Variants in PASK observed in about 807,000 individuals in gnomAD.
The protein encoded by PASK is PAS domain containing serine/threonine kinase.
PASK carries 110 observed loss-of-function variants against 121.0 expected under a neutral mutation model. That is an observed-to-expected ratio of 0.91 (90% confidence interval 0.78 to 1.06). The LOEUF (loss-of-function observed/expected upper bound fraction) is 1.06. Among genes scored for constraint, PASK ranks in the 50% least tolerant of loss-of-function variants. The pLI, the probability that PASK is intolerant of heterozygous loss-of-function variation, is 0.00. For synonymous variants in PASK, 686 were observed against 717.8 expected (o/e 0.96, Z 0.71); for missense variants, 1,643 against 1,702.3 (o/e 0.97, Z 0.61).
chr2:241,149,662 C>A (rs979807566), upstream of PASK: 6 of 1,544,516 alleles, frequency 3.9e-6, no homozygotes, highest in African/African-American at 8.2e-5. Flanking sequence ...CGCCTCCGCC[C>A]CCGGGCCGGG....
intron 10 of PASK, among the ~76,000 whole-genome samples, chr2:241,125,932 T>A (rs1014998619): frequency 4.6e-5 from 7 of 152,130 alleles, no homozygotes; most frequent in African/African-American, 1.7e-4. Context: ...TCTAAGTGTA[T>A]GGCCTGAGTC....
chr2:241,136,011 T>C lies in PASK; in HGVS notation c.1166A>G (p.Tyr389Cys), dbSNP rs531959362. ...GTTGTACGCAAGGTCCATGTAGCTG[T>C]AGAAACCAGGAATCAGGAAAGTGAT... ...KNITFLIPGF[Y>C]SYMDLAYNSS... Residue 389 changes from tyrosine to cysteine, a missense_variant, in exon 8 of 18, where the codon TAC becomes TGC. This residue lies in a region of PASK where 1,176 missense variants were observed against 1,162.2 expected (regional missense o/e 1.01). Coordinates refer to ENST00000234040, the MANE Select transcript of PASK (RefSeq NM_015148.4). 3.1e-6 allele frequency: 5 copies of C among 1,614,032 alleles called. No homozygotes were observed. The Admixed American group carries it at 6.7e-5, about 22-fold the overall frequency.
intron 12 of PASK, among the ~76,000 whole-genome samples, chr2:241,121,259 G>C (rs2065595915): frequency 6.6e-6 from 1 of 152,236 alleles, no homozygotes; most frequent in Admixed American, 6.5e-5. Flanking sequence ...TTCTTCGTTT[G>C]TGGTGATGGT....
intron 12 of PASK, among the ~76,000 whole-genome samples, chr2:241,116,631 C>T (rs2065382119): frequency 6.6e-6 from 1 of 152,234 alleles, no homozygotes; most frequent in Non-Finnish European, 1.5e-5. Context: ...GACTGACAGA[C>T]ATAAGGTAAA....
Position 241,122,762 on chromosome 2 carries a change from C to G in PASK, c.3042G>C (p.Trp1014Cys). ...PLGSGAFGFV[W>C]TAVDKEKNKE... ...TGTTTTTTTCCTTGTCCACAGCAGTCCACACGAAGCCGAAGGCCCCACTGC... is the reference window on the plus strand; with the variant it reads ...TGTTTTTTTCCTTGTCCACAGCAGTGCACACGAAGCCGAAGGCCCCACTGC... Residue 1014 changes from tryptophan to cysteine, a missense_variant, in exon 12 of 18, where the codon TGG (tryptophan) becomes TGC (cysteine). This residue lies in a region of PASK where 453 missense variants were observed against 511.2 expected (regional missense o/e 0.89). Transcript: ENST00000234040. 6.2e-7 allele frequency: 1 copy of G among 1,614,208 alleles called. No individual in the cohort carries two copies. Among genetic ancestry groups the G allele is most frequent in the Non-Finnish European group, 8.5e-7 (1 of 1,180,038 alleles).
rs746673696 is a variant in PASK, at chr2:241,127,330, G to C, written c.1585C>G (p.Leu529Val). 2 of 1,614,216 alleles carry C rather than the reference G, an allele frequency of 1.2e-6. No homozygotes were observed. The highest frequency in any genetic ancestry group is 8.5e-7 in the Non-Finnish European group (1 of 1,180,028). ...GGTTCAGACCTGCTTTCTCCCAGAA[G>C]ATCCTGTCCGGGGCTCTCTATTGCC... ...PVAIESPGQD[L>V]LGESRSEPVD... is the part of the protein sequence containing the mutation. Residue 529 changes from leucine to valine, a missense_variant, in exon 10 of 18, where the codon CTT (leucine) becomes GTT (valine). This residue lies in a region of PASK where 1,176 missense variants were observed against 1,162.2 expected (regional missense o/e 1.01). Coordinates refer to ENST00000234040, the MANE Select transcript of PASK (RefSeq NM_015148.4).
chr2:241,125,522 C>T (rs2065811930), intron 10 of PASK, among the ~76,000 whole-genome samples: 1 of 150,370 alleles, frequency 6.7e-6, no homozygotes, highest in African/African-American at 2.5e-5. Flanking sequence ...ATGGCATGAA[C>T]CCGGGAGGCG....
At chr2:241,111,177 G>A (rs2065096500) in intron 15 of PASK, among the ~76,000 whole-genome samples, 1 of 152,222 alleles carries the variant, frequency 6.6e-6, no homozygotes, top group Admixed American at 6.5e-5. Flanking sequence ...TGGAGCTCGT[G>A]CGTGACTGCG....
Position 241,108,944 on chromosome 2 carries a change from C to T in PASK, c.3534-644G>A, listed in dbSNP as rs1009015023. The T allele has an allele frequency of 1.3e-5, 2 of 157,710 alleles. No individual in the cohort carries two copies. The highest frequency in any genetic ancestry group is 2.4e-5 in the African/African-American group (1 of 41,456). The allele number at this position is 157,710 out of a possible 1,614,324, so 9.8% of individuals were successfully genotyped here. ...AAGGACTATTGTTACTTCCTGTCGC[C>T]GTAAACATCCTCATCCACGCTACCA... On this transcript the variant is annotated intron_variant, in intron 15 of 17. Transcript: ENST00000234040. The surrounding 1 kb of genome is among the most constrained non-coding windows in gnomAD (Gnocchi z 5.2).
upstream of PASK, chr2:241,150,062 T>G: frequency 7.5e-7 from 1 of 1,340,762 alleles, no homozygotes; most frequent in Non-Finnish European, 9.6e-7. Flanking sequence ...GGGATGCACG[T>G]AGGACTGGCC....
chr2:241,133,135 G>C, intron 8 of PASK, 105 bp from the exon 9 acceptor site: 1 of 1,171,750 alleles, frequency 8.5e-7, no homozygotes, highest in Admixed American at 1.7e-5. Context: ...AGCATGACCA[G>C]CATCGACCAC....
intron 1 of PASK, among the ~76,000 whole-genome samples, chr2:241,147,137 T>C (rs2066992255): frequency 6.6e-6 from 1 of 152,176 alleles, no homozygotes; most frequent in African/African-American, 2.4e-5. Flanking sequence ...TAAATAACAA[T>C]GACATGATTA....
intron 14 of PASK, chr2:241,114,295 A>T (rs2065234590): frequency 1.0e-6 from 1 of 985,346 alleles, no homozygotes; most frequent in Non-Finnish European, 1.2e-6. Flanking sequence ...GCTTTAAGGA[A>T]GAAATGTTGA....
At chr2:241,147,986 C>T (rs907119956) in intron 1 of PASK, among the ~76,000 whole-genome samples, 3 of 152,212 alleles carry the variant, frequency 2.0e-5, no homozygotes, top group Non-Finnish European at 4.4e-5. Flanking sequence ...GCCTCCCGTG[C>T]ACTCCACAGC....
intron 9 of PASK, 40 bp downstream of exon 9, chr2:241,132,834 G>A (rs2066228290): frequency 1.9e-6 from 3 of 1,540,490 alleles, no homozygotes; most frequent in South Asian, 1.1e-5. Context: ...CATCTGTCTG[G>A]ACTTTTAGTA....
At chr2:241,107,324 TG>T in intron 17 of PASK, 28 bp downstream of exon 17, 1 of 1,605,044 alleles carries the variant, frequency 6.2e-7, no homozygotes, top group Non-Finnish European at 8.5e-7. Flanking sequence ...TGAAGTCATG[TG>T]GGGTGGAGGG....
chr2:241,117,632 A>G (rs2065431175), intron 12 of PASK, among the ~76,000 whole-genome samples: 1 of 152,256 alleles, frequency 6.6e-6, no homozygotes, highest in African/African-American at 2.4e-5. Context: ...ATAAACCCCT[A>G]AAGACATCCT....
intron 2 of PASK, 60 bp from the exon 3 acceptor site, chr2:241,140,813 G>C (rs1014853049): frequency 1.8e-6 from 2 of 1,130,764 alleles, no homozygotes; most frequent in African/African-American, 1.5e-5. Context: ...TCCACCTTCT[G>C]AAACAGGCAA....
At chr2:241,127,993 C>T (rs1187967069) in intron 9 of PASK, among the ~76,000 whole-genome samples, 1 of 152,218 alleles carries the variant, frequency 6.6e-6, no homozygotes, top group Non-Finnish European at 1.5e-5. Flanking sequence ...GGCCAGGGGC[C>T]AGGGGGCCGG....
Sources: gnomAD v4.1 joint callset for allele counts (sites outside exome capture counted in the v4.1 genomes callset) on GRCh38, gnomAD v4.1.1 for gene constraint, gnomAD v4.1.1 regional missense constraint, Gnocchi (gnomAD v3.1) non-coding constraint, MANE v1.5 for transcripts, NCBI Gene and HGNC (gene_info 2026-07-23, HGNC 2026-07-21) for gene names.